NPAS3: variants seen among roughly 807,000 people sequenced by gnomAD.
The protein encoded by NPAS3 is neuronal PAS domain-containing protein 3.
NPAS3 carries 14 observed loss-of-function variants against 73.1 expected under a neutral mutation model. The ratio of observed to expected loss-of-function variants is 0.19; its 90% CI spans 0.13 to 0.30. The LOEUF (loss-of-function observed/expected upper bound fraction) is 0.30. Ranked by LOEUF, NPAS3 falls within the 10% of genes least tolerant of loss-of-function variation. NPAS3 has a pLI of 1.00. For missense variants in NPAS3, 1,096 were observed against 1,250.0 expected (o/e 0.88, Z 1.86); for synonymous variants, 620 against 541.5 (o/e 1.14, Z -2.01).
chr14:33,017,753 C>T (rs1203365850), intron 1 of NPAS3, among the ~76,000 whole-genome samples: 2 of 152,052 alleles, frequency 1.3e-5, no homozygotes, highest in Non-Finnish European at 2.9e-5. Flanking sequence ...TAAATGGTAG[C>T]TAGTGCTTAT....
chr14:33,677,061 A>G (rs946334997), intron 6 of NPAS3, among the ~76,000 whole-genome samples: 1 of 152,186 alleles, frequency 6.6e-6, no homozygotes, highest in African/African-American at 2.4e-5. Context: ...GTATTAGGGG[A>G]AAATCCATTT....
intron 5 of NPAS3, among the ~76,000 whole-genome samples, chr14:33,613,275 A>G (rs1012036098): frequency 1.3e-5 from 2 of 152,152 alleles, no homozygotes; most frequent in Non-Finnish European, 2.9e-5. Flanking sequence ...TGGAACTGGA[A>G]CTGACTCCAG....
chr14:33,083,224 TTGCC>T (rs2041919602), intron 2 of NPAS3, among the ~76,000 whole-genome samples: 2 of 2,920 alleles, frequency 6.8e-4, no homozygotes, highest in Non-Finnish European at 1.6e-3. Flanking sequence ...AGAAGGGACT[TTGCC>T]TTTGCCTCCA....
At chr14:33,198,927 G>A (rs1438438192) in intron 2 of NPAS3, among the ~76,000 whole-genome samples, 1 of 152,214 alleles carries the variant, frequency 6.6e-6, no homozygotes, top group East Asian at 1.9e-4. Context: ...CGGCGTGGAT[G>A]GGCTGGCAGT....
At chr14:33,279,660 A>G (rs1297659874) in intron 3 of NPAS3, among the ~76,000 whole-genome samples, 1 of 152,148 alleles carries the variant, frequency 6.6e-6, no homozygotes, top group East Asian at 1.9e-4. Context: ...GGAATTTGGA[A>G]AGCATAGGGG....
At position 33,555,896 on chromosome 14, in the gene NPAS3, C is replaced by CTGTGTG. The variant is rs60426737; in HGVS notation, c.469-4209_469-4204dup. Reference sequence around the variant, plus strand: ...AATTAACCAATTGTTGTTGGTGTGTCTGTGTGTGTGTGTGTGTGTGTTTCA... The same window carrying CTGTGTG: ...AATTAACCAATTGTTGTTGGTGTGTCTGTGTGTGTGTGTGTGTGTGTGTGTGTTTCA... On this transcript the variant is annotated intron_variant, in intron 4 of 11. Transcript: ENST00000356141. Among the ~76,000 whole-genome samples, 734 of 151,332 alleles carry CTGTGTG rather than the reference C, an allele frequency of 4.9e-3. 8 individuals carry two copies. Among genetic ancestry groups the CTGTGTG allele is most frequent in the African/African-American group, 0.016 (651 of 41,246 alleles).
intron 7 of NPAS3, among the ~76,000 whole-genome samples, chr14:33,764,897 C>T (rs2062412108): frequency 6.6e-6 from 1 of 152,212 alleles, no homozygotes; most frequent in African/African-American, 2.4e-5. Context: ...GGTGTTTCTA[C>T]CCATGGTCCT....
chr14:32,957,372 ATT>A (rs199933003), intron 1 of NPAS3, among the ~76,000 whole-genome samples: 8 of 131,872 alleles, frequency 6.1e-5, no homozygotes, highest in Non-Finnish European at 5.0e-5. Flanking sequence ...ATTCATTTTC[ATT>A]TTTTTTTTTT....
At chr14:33,375,204 T>C (rs2046262489) in intron 4 of NPAS3, among the ~76,000 whole-genome samples, 1 of 152,150 alleles carries the variant, frequency 6.6e-6, no homozygotes, top group Non-Finnish European at 1.5e-5. Context: ...AGTGACCCTG[T>C]AGTGTCTCTA....
rs575310371 is a variant in NPAS3 at position 33,776,773 on chromosome 14, T to C, written c.1047-1693T>C. ...TGGATTATTTTACAGAAGAAGAAAC[T>C]GAGTCTCAGAGTAAAAGGTGCCATC... On this transcript the variant is annotated intron_variant, in intron 8 of 11. Transcript: ENST00000356141. Among the ~76,000 whole-genome samples, 159 of 152,170 alleles carry C rather than the reference T, an allele frequency of 1.0e-3. 1 individual carries two copies. Among genetic ancestry groups the C allele is most frequent in the African/African-American group, 3.8e-3 (156 of 41,518 alleles).
intron 4 of NPAS3, among the ~76,000 whole-genome samples, chr14:33,531,365 T>C (rs2054036256): frequency 6.6e-6 from 1 of 152,124 alleles, no homozygotes; most frequent in Non-Finnish European, 1.5e-5. Flanking sequence ...GTATCACCCT[T>C]ACCCCAACCC....
At chr14:33,296,963 TA>T (rs2042328717) in intron 3 of NPAS3, among the ~76,000 whole-genome samples, 1 of 152,342 alleles carries the variant, frequency 6.6e-6, no homozygotes, top group East Asian at 1.9e-4. Flanking sequence ...TGCTGGACTT[TA>T]TTTAAGAATA....
intron 2 of NPAS3, among the ~76,000 whole-genome samples, chr14:33,069,928 G>A (rs2041425957): frequency 6.6e-6 from 1 of 152,172 alleles, no homozygotes; most frequent in East Asian, 1.9e-4. Flanking sequence ...GAATTGCATT[G>A]TGATTAGTCT....
chr14:33,175,096 A>AT (rs1194434510), intron 2 of NPAS3, among the ~76,000 whole-genome samples: 2 of 152,124 alleles, frequency 1.3e-5, no homozygotes, highest in South Asian at 2.1e-4. Context: ...TTACGCAAAG[A>AT]TTTTTTTATA....
chr14:33,261,589 T>C (rs1313706595), intron 3 of NPAS3, among the ~76,000 whole-genome samples: 1 of 152,152 alleles, frequency 6.6e-6, no homozygotes, highest in African/African-American at 2.4e-5. Flanking sequence ...TTTTCCTCAG[T>C]TTAATATTAA....
intron 3 of NPAS3, among the ~76,000 whole-genome samples, chr14:33,305,656 C>G (rs1423605298): frequency 6.6e-6 from 1 of 151,966 alleles, no homozygotes. Flanking sequence ...ACAGCTGTAT[C>G]CAGGTTTTTG....
intron 5 of NPAS3, among the ~76,000 whole-genome samples, chr14:33,652,389 G>A (rs185778734): frequency 6.6e-6 from 1 of 152,120 alleles, no homozygotes; most frequent in African/African-American, 2.4e-5. Flanking sequence ...ATTATAATGA[G>A]GCAGTGGTGC....
chr14:33,119,254 A>G (rs1385606268), intron 2 of NPAS3, among the ~76,000 whole-genome samples: 4 of 151,870 alleles, frequency 2.6e-5, no homozygotes, highest in African/African-American at 7.3e-5. Flanking sequence ...GCTTTTTAGT[A>G]CTCTCTATTT....
chr14:33,441,002 T>A (rs115141479), intron 4 of NPAS3, among the ~76,000 whole-genome samples: 3,715 of 152,290 alleles, frequency 0.024, 164 homozygotes, highest in African/African-American at 0.085. Flanking sequence ...AATAATGAAT[T>A]TAGCAAATCA....
Sources: gnomAD v4.1 joint callset for allele counts (sites outside exome capture counted in the v4.1 genomes callset) on GRCh38, gnomAD v4.1.1 for gene constraint, MANE v1.5 for transcripts, NCBI Gene and HGNC (gene_info 2026-07-23, HGNC 2026-07-21) for gene names.